The following SPATA31G1 variants were observed in gnomAD, a reference collection of about 807,000 sequenced individuals.
The protein encoded by SPATA31G1 is SPATA31 subfamily G member 1.
the SPATA31G1 span, chr9:35,045,695 G>A: frequency 2.5e-6 from 4 of 1,614,098 alleles, no homozygotes; most frequent in African/African-American, 2.7e-5. Context: ...CAGAGGCAGG[G>A]CGAAGAGCAA....
the SPATA31G1 span, chr9:35,044,891 C>T: frequency 6.2e-7 from 1 of 1,614,074 alleles, no homozygotes; most frequent in Non-Finnish European, 8.5e-7. Flanking sequence ...GAGTAACGTG[C>T]CCAGGGGTTA....
the SPATA31G1 span, chr9:35,042,446 G>A: frequency 5.3e-5 from 85 of 1,614,126 alleles, no homozygotes; most frequent in Non-Finnish European, 6.7e-5. Flanking sequence ...GGTTGCGACA[G>A]CTTCATCCCT....
At chr9:35,044,745 T>C in the SPATA31G1 span, 73 of 1,614,010 alleles carry the variant, frequency 4.5e-5, no homozygotes, top group African/African-American at 9.2e-4. Context: ...TGAACTTGTG[T>C]GGAGAAATGT....
At chr9:35,043,879 G>C in the SPATA31G1 span, 1 of 1,614,148 alleles carries the variant, frequency 6.2e-7, no homozygotes, top group South Asian at 1.1e-5. Context: ...TGGGAATGCA[G>C]AGAAAACTCA....
the SPATA31G1 span, chr9:35,044,092 AG>A: frequency 6.2e-7 from 1 of 1,614,032 alleles, no homozygotes; most frequent in Non-Finnish European, 8.5e-7. Context: ...ATGGGCCCCC[AG>A]GGAGTCCTGT....
chr9:35,043,040 C>G, the SPATA31G1 span: 1 of 1,614,196 alleles, frequency 6.2e-7, no homozygotes, highest in South Asian at 1.1e-5. Flanking sequence ...CAGCCCCACC[C>G]CAGCCATCCT....
At chr9:35,044,728 T>C in the SPATA31G1 span, 36 of 1,613,992 alleles carry the variant, frequency 2.2e-5, no homozygotes, top group Non-Finnish European at 3.0e-5. Flanking sequence ...GAGCCACACA[T>C]TGACCTTGAA....
At chr9:35,041,327 G>C in the SPATA31G1 span, 2 of 218,002 alleles carry the variant, frequency 9.2e-6, no homozygotes, top group Non-Finnish European at 1.9e-5. Flanking sequence ...AGAGGTCTTT[G>C]AATAAATTTT....
At chr9:35,043,027 C>T in the SPATA31G1 span, 6 of 1,614,080 alleles carry the variant, frequency 3.7e-6, no homozygotes, top group African/African-American at 8.0e-5. Context: ...GAGCAAGCCA[C>T]TCCAGCCCCA....
the SPATA31G1 span, chr9:35,043,824 CAG>C: frequency 1.5e-5 from 25 of 1,614,044 alleles, no homozygotes; most frequent in African/African-American, 1.2e-4. Context: ...GCCAGAACTC[CAG>C]AGAGAGAGTT....
At chr9:35,045,441 G>C in the SPATA31G1 span, 1 of 1,614,144 alleles carries the variant, frequency 6.2e-7, no homozygotes. Context: ...CAAGGCTTCA[G>C]CCTCATCCTC....
the SPATA31G1 span, chr9:35,043,434 G>A: frequency 1.5e-5 from 25 of 1,614,006 alleles, no homozygotes; most frequent in Admixed American, 1.7e-4. Flanking sequence ...GATGGCCCCC[G>A]ATCCTCAGCT....
the SPATA31G1 span, chr9:35,045,601 G>A: frequency 1.2e-6 from 2 of 1,614,172 alleles, no homozygotes; most frequent in African/African-American, 1.3e-5. Flanking sequence ...TTTCCCCAAA[G>A]GTCTCAACAC....
the SPATA31G1 span, chr9:35,043,048 C>A: frequency 6.2e-7 from 1 of 1,614,174 alleles, no homozygotes; most frequent in Non-Finnish European, 8.5e-7. Context: ...CCCCAGCCAT[C>A]CTGTGGTTCT....
the SPATA31G1 span, chr9:35,044,262 G>A: frequency 1.2e-6 from 2 of 1,614,154 alleles, no homozygotes; most frequent in South Asian, 2.2e-5. Context: ...TACATGGAAG[G>A]ATACTGAGCA....
chr9:35,044,337 C>G, the SPATA31G1 span: 1 of 1,614,116 alleles, frequency 6.2e-7, no homozygotes, highest in Non-Finnish European at 8.5e-7. Flanking sequence ...AGCTCTTGCA[C>G]CGGAGCTGCT....
chr9:35,043,422 G>A, the SPATA31G1 span: 1 of 1,614,152 alleles, frequency 6.2e-7, no homozygotes, highest in Non-Finnish European at 8.5e-7. Context: ...AGATCTAGAA[G>A]GGATGGCCCC....
At chr9:35,042,395 A>C in the SPATA31G1 span, 1 of 1,614,216 alleles carries the variant, frequency 6.2e-7, no homozygotes, top group Non-Finnish European at 8.5e-7. Flanking sequence ...CACTATTCTT[A>C]TTCGTGGTTT....
the SPATA31G1 span, chr9:35,042,865 T>C: frequency 6.2e-7 from 1 of 1,611,098 alleles, no homozygotes; most frequent in Non-Finnish European, 8.5e-7. Flanking sequence ...TCCCAGGAAC[T>C]ACCACTTCTG....
Sources: gnomAD v4.1 joint callset for allele counts on GRCh38, gnomAD v4.1.1 for gene constraint, MANE v1.5 for transcripts, NCBI Gene and HGNC (gene_info 2026-07-23, HGNC 2026-07-21) for gene names.